IGSF21: variants seen among roughly 807,000 people sequenced by gnomAD.
IGSF21 encodes the protein immunoglobin superfamily member 21.
In IGSF21, 28 loss-of-function variants were observed where a neutral mutation model predicts 46.8. The ratio of observed to expected loss-of-function variants is 0.60; its 90% CI spans 0.44 to 0.82. The LOEUF (loss-of-function observed/expected upper bound fraction) is 0.82, where lower values mean the gene tolerates loss of function less well. IGSF21 is among the 40% of genes least tolerant of loss of function. The pLI is 0.00. For synonymous variants in IGSF21, 284 were observed against 273.6 expected (o/e 1.04, Z -0.38); for missense variants, 624 against 665.5 (o/e 0.94, Z 0.69).
chr1:18,333,466 T>C (rs1314005107), intron 3 of IGSF21, among the ~76,000 whole-genome samples: 2 of 152,174 alleles, frequency 1.3e-5, no homozygotes, highest in Non-Finnish European at 2.9e-5. Context: ...CTCTATCCAT[T>C]TGGTGCAATG....
intron 1 of IGSF21, among the ~76,000 whole-genome samples, chr1:18,133,429 C>T (rs1439810082): frequency 1.3e-5 from 2 of 152,210 alleles, no homozygotes; most frequent in South Asian, 2.1e-4. Context: ...CTGGACAAGT[C>T]GCTTCACCTC....
chr1:18,353,973 C>A (rs1364329332), intron 4 of IGSF21, among the ~76,000 whole-genome samples: 1 of 152,224 alleles, frequency 6.6e-6, no homozygotes, highest in Non-Finnish European at 1.5e-5. Flanking sequence ...TATTGCATGG[C>A]TGGTCGACAC....
chr1:18,296,471 G>A (rs1371001591), intron 3 of IGSF21, among the ~76,000 whole-genome samples: 1 of 152,108 alleles, frequency 6.6e-6, no homozygotes, highest in African/African-American at 2.4e-5. Context: ...AGAAGGACCT[G>A]AGCTAAGGGC....
intron 1 of IGSF21, among the ~76,000 whole-genome samples, chr1:18,125,125 TCCC>T (rs1374155151): frequency 6.6e-6 from 1 of 152,062 alleles, no homozygotes; most frequent in Non-Finnish European, 1.5e-5. Flanking sequence ...GGAGGCCCTG[TCCC>T]CCTGCCACAC....
intron 2 of IGSF21, among the ~76,000 whole-genome samples, chr1:18,253,396 T>A (rs146288222): frequency 6.6e-6 from 1 of 152,262 alleles, no homozygotes; most frequent in African/African-American, 2.4e-5. Flanking sequence ...TGCACACCCT[T>A]GAGGACTGGG....
At chr1:18,300,265 A>C (rs1284381296) in intron 3 of IGSF21, among the ~76,000 whole-genome samples, 1 of 152,000 alleles carries the variant, frequency 6.6e-6, no homozygotes, top group Admixed American at 6.6e-5. Flanking sequence ...CATTTGCTAA[A>C]AAGTCTTCCA....
At position 18,179,333 on chromosome 1, in the gene IGSF21, C is replaced by G. The variant is rs944981585; in HGVS notation, c.71-48565C>G. 2.6e-5 allele frequency: 4 copies of G among 152,250 alleles called. No homozygotes were observed. The East Asian group carries it at 7.7e-4, about 29-fold the overall frequency. The allele number at this position is 152,250 out of a possible 1,614,324, so 9.4% of individuals were successfully genotyped here. The stretch of plus-strand genomic sequence containing the variant: ...AGCTGCCCAAAGCATGGAGCAGACT[C>G]CCACCCCCATCCCTCAGAGAGGGGC... On this transcript the variant is annotated intron_variant, in intron 1 of 9. Transcript: ENST00000251296.
At chr1:18,166,020 C>A (rs2086675145) in intron 1 of IGSF21, among the ~76,000 whole-genome samples, 1 of 152,202 alleles carries the variant, frequency 6.6e-6, no homozygotes, top group Non-Finnish European at 1.5e-5. Flanking sequence ...ACGACCCTGT[C>A]TCCTTTGTTC....
chr1:18,290,090 C>T lies in IGSF21; in HGVS notation c.184-1776C>T, dbSNP rs573280668. Among the ~76,000 whole-genome samples the T allele has an allele frequency of 4.6e-5, 7 of 152,266 alleles. No individual in the cohort carries two copies. The East Asian group carries it at 7.7e-4, about 17-fold the overall frequency. ...CATTCTTCTGGGTGATGACAGTGGA[C>T]GCAGAGTCAAGGTGTGGTTGGTTGG... On this transcript the variant is annotated intron_variant, in intron 2 of 9. Transcript: ENST00000251296. The surrounding 1 kb of genome is among the most constrained non-coding windows in gnomAD (Gnocchi z 4.2).
chr1:18,214,661 G>C (rs1362097833), intron 1 of IGSF21, among the ~76,000 whole-genome samples: 1 of 152,210 alleles, frequency 6.6e-6, no homozygotes, highest in Admixed American at 6.5e-5. Flanking sequence ...AGGTGAAGGG[G>C]AAGCAACGTA....
At chr1:18,144,223 G>A (rs1240725517) in intron 1 of IGSF21, among the ~76,000 whole-genome samples, 1 of 152,164 alleles carries the variant, frequency 6.6e-6, no homozygotes, top group African/African-American at 2.4e-5. Flanking sequence ...CCTTCCCCAG[G>A]CCTGGCCCAC....
At chr1:18,318,542 A>G (rs1225195966) in intron 3 of IGSF21, among the ~76,000 whole-genome samples, 1 of 151,906 alleles carries the variant, frequency 6.6e-6, no homozygotes, top group Non-Finnish European at 1.5e-5. Context: ...GTGAGAATCC[A>G]AGGGGCTCAC....
intron 2 of IGSF21, among the ~76,000 whole-genome samples, chr1:18,289,250 C>G (rs1225126704): frequency 6.6e-6 from 1 of 152,132 alleles, no homozygotes; most frequent in Non-Finnish European, 1.5e-5. Context: ...GGAGGTGAGG[C>G]CAGAAGACGG....
intron 1 of IGSF21, among the ~76,000 whole-genome samples, chr1:18,143,145 G>A (rs1183092813): frequency 6.6e-6 from 1 of 152,218 alleles, no homozygotes; most frequent in Non-Finnish European, 1.5e-5. Context: ...GTGGGCATCT[G>A]TAGAGGAGGA....
chr1:18,266,024 T>C (rs999479096), intron 2 of IGSF21, among the ~76,000 whole-genome samples: 1 of 152,220 alleles, frequency 6.6e-6, no homozygotes, highest in Non-Finnish European at 1.5e-5. Context: ...AGGGGTTCTT[T>C]GCTATCAGAA....
intron 1 of IGSF21, among the ~76,000 whole-genome samples, chr1:18,204,873 C>A (rs2087110455): frequency 6.6e-6 from 1 of 152,170 alleles, no homozygotes; most frequent in Admixed American, 6.5e-5. Context: ...TTATGACTTG[C>A]AGAGAAAAAC....
At chr1:18,122,188 T>C (rs2086239532) in intron 1 of IGSF21, among the ~76,000 whole-genome samples, 2 of 101,012 alleles carry the variant, frequency 2.0e-5, no homozygotes, top group African/African-American at 7.7e-5. Flanking sequence ...TTTCTTTCTT[T>C]CTTTCTTTTT....
At chr1:18,351,375 C>T (rs907462974) in intron 4 of IGSF21, among the ~76,000 whole-genome samples, 10 of 152,206 alleles carry the variant, frequency 6.6e-5, no homozygotes, top group African/African-American at 2.4e-4. Context: ...AGCAGAAGGG[C>T]TGTGACCTCG....
intron 4 of IGSF21, among the ~76,000 whole-genome samples, chr1:18,345,744 A>G (rs944281905): frequency 6.6e-6 from 1 of 152,128 alleles, no homozygotes; most frequent in Non-Finnish European, 1.5e-5. Context: ...AACACCTGCT[A>G]TATCATTTAT....
Sources: gnomAD v4.1 joint callset for allele counts (sites outside exome capture counted in the v4.1 genomes callset) on GRCh38, gnomAD v4.1.1 for gene constraint, Gnocchi (gnomAD v3.1) non-coding constraint, MANE v1.5 for transcripts, NCBI Gene and HGNC (gene_info 2026-07-23, HGNC 2026-07-21) for gene names.